Variants in MCPH1 observed in about 807,000 individuals in gnomAD.
The protein encoded by MCPH1 is microcephalin.
A neutral mutation model predicts 84.5 loss-of-function variants in MCPH1; 104 were observed. The ratio of observed to expected loss-of-function variants is 1.23; its 90% CI spans 1.05 to 1.45. The LOEUF is 1.45. Ranked by LOEUF, MCPH1 falls within the 40% of genes most tolerant of loss-of-function variation. The probability of loss-of-function intolerance (pLI) is 0.00; values close to 1 mark genes in which losing one functional copy is unlikely to be tolerated. For synonymous variants in MCPH1, 514 were observed against 366.8 expected (o/e 1.40, Z -4.58); for missense variants, 1,498 against 1,005.7 (o/e 1.49, Z -6.62).
At chr8:6,461,917 A>ATT (rs1359749676) in intron 9 of MCPH1, among the ~76,000 whole-genome samples, 1 of 151,922 alleles carries the variant, frequency 6.6e-6, no homozygotes, top group Non-Finnish European at 1.5e-5. Context: ...CTACTTCTGG[A>ATT]TTTGGTTTTT....
At chr8:6,481,970 T>A (rs1809302822) in intron 11 of MCPH1, among the ~76,000 whole-genome samples, 1 of 152,218 alleles carries the variant, frequency 6.6e-6, no homozygotes, top group Admixed American at 6.5e-5. Context: ...CTGACTAGCA[T>A]GAAGAAATCT....
intron 12 of MCPH1, chr8:6,532,524 A>C: frequency 1.3e-6 from 2 of 1,508,174 alleles, no homozygotes; most frequent in Non-Finnish European, 1.8e-6. Context: ...GTCATTAGTC[A>C]AATGACCGGA....
rs923085998 is a variant in MCPH1 at position 6,505,744 on chromosome 8, TTATA to T, written c.2214+5820_2214+5823del. ...TCTATATATATTCTATATATATTCT[TTATA>T]TATACGTATATATAGAATATATATA... On this transcript the variant is annotated intron_variant, in intron 12 of 13. Transcript: ENST00000344683. Among the ~76,000 whole-genome samples, 85 of 134,350 alleles carry T rather than the reference TTATA, an allele frequency of 6.3e-4. 1 individual carries two copies. Among genetic ancestry groups the T allele is most frequent in the Admixed American group, 2.0e-3 (25 of 12,704 alleles). The allele number at this position is 134,350 out of a possible 152,430, so 88.1% of individuals were successfully genotyped here.
chr8:6,624,009 C>T (rs889530950), intron 13 of MCPH1, among the ~76,000 whole-genome samples: 1 of 152,222 alleles, frequency 6.6e-6, no homozygotes, highest in African/African-American at 2.4e-5. Flanking sequence ...CCTGCCTCTG[C>T]ACTCGTGTTT....
At chr8:6,540,811 G>A (rs1033752894) in intron 12 of MCPH1, among the ~76,000 whole-genome samples, 18 of 152,282 alleles carry the variant, frequency 1.2e-4, no homozygotes, top group African/African-American at 4.3e-4. Context: ...TGCCGAACAG[G>A]CGCGGGAGGC....
At chr8:6,506,695 C>G (rs1563310185) in intron 12 of MCPH1, among the ~76,000 whole-genome samples, 1 of 151,084 alleles carries the variant, frequency 6.6e-6, no homozygotes, top group Non-Finnish European at 1.5e-5. Context: ...GAGGGCTTTG[C>G]TCATTGGTGT....
intron 8 of MCPH1, chr8:6,446,207 TAA>T (rs1563222290): frequency 6.6e-6 from 6 of 915,198 alleles, no homozygotes; most frequent in Non-Finnish European, 7.8e-6. Flanking sequence ...ATCATTTTAT[TAA>T]AAGTCAAAAC....
chr8:6,493,920 A>G (rs189074285), intron 11 of MCPH1, among the ~76,000 whole-genome samples: 1 of 149,122 alleles, frequency 6.7e-6, no homozygotes, highest in East Asian at 2.0e-4. Context: ...GCTCATGGTC[A>G]TAGTGCTTGG....
intron 11 of MCPH1, among the ~76,000 whole-genome samples, chr8:6,491,916 A>G (rs1340988274): frequency 1.3e-5 from 2 of 152,130 alleles, no homozygotes; most frequent in Admixed American, 6.5e-5. Context: ...TTGCTATTGT[A>G]AATAGTGCCA....
intron 9 of MCPH1, among the ~76,000 whole-genome samples, chr8:6,466,861 C>T (rs1807044426): frequency 6.6e-6 from 1 of 152,222 alleles, no homozygotes; most frequent in Admixed American, 6.5e-5. Context: ...CAGGGTTGAG[C>T]CAACGCGCCC....
intron 12 of MCPH1, chr8:6,508,660 T>A (rs1196155886): frequency 3.4e-6 from 2 of 588,462 alleles, no homozygotes; most frequent in East Asian, 5.6e-5. Context: ...CAGGAGAGCT[T>A]GCTAAGAATC....
At chr8:6,564,076 G>A (rs560584189) in intron 12 of MCPH1, among the ~76,000 whole-genome samples, 6 of 151,520 alleles carry the variant, frequency 4.0e-5, no homozygotes, top group Non-Finnish European at 8.8e-5. Flanking sequence ...CCGCCTTCCG[G>A]GTTCAAGTGA....
At chr8:6,525,528 C>G (rs1266993975) in intron 12 of MCPH1, among the ~76,000 whole-genome samples, 1 of 152,186 alleles carries the variant, frequency 6.6e-6, no homozygotes, top group Non-Finnish European at 1.5e-5. Flanking sequence ...CTGTGCCTGG[C>G]TTGAATCTAT....
chr8:6,592,344 G>C (rs955356203), intron 12 of MCPH1, among the ~76,000 whole-genome samples: 1 of 151,962 alleles, frequency 6.6e-6, no homozygotes, highest in East Asian at 1.9e-4. Context: ...ACAGGGTTTT[G>C]CCATGTTGCT....
chr8:6,612,325 C>G (rs768801294), intron 12 of MCPH1, among the ~76,000 whole-genome samples: 4 of 152,174 alleles, frequency 2.6e-5, no homozygotes, highest in Non-Finnish European at 2.9e-5. Context: ...GGCCAACCTC[C>G]TCTCCTCCAC....
At chr8:6,477,725 T>G in intron 10 of MCPH1, 94 bp downstream of exon 10, 1 of 921,510 alleles carries the variant, frequency 1.1e-6, no homozygotes, top group Admixed American at 1.8e-5. Context: ...CTTGTCAATC[T>G]GTCCTGTATC....
intron 9 of MCPH1, among the ~76,000 whole-genome samples, chr8:6,464,957 C>G (rs568717795): frequency 1.3e-5 from 2 of 151,758 alleles, no homozygotes; most frequent in East Asian, 1.9e-4. Context: ...CAAGATCATG[C>G]CACGGCATTC....
At position 6,564,588 on chromosome 8, in the gene MCPH1, A is replaced by C. The variant is rs912430289; in HGVS notation, c.2215-56866A>C. Among the ~76,000 whole-genome samples the C allele has an allele frequency of 1.8e-3, 227 of 127,906 alleles. 1 individual carries two copies. Among genetic ancestry groups the C allele is most frequent in the Non-Finnish European group, 3.0e-3 (168 of 55,936 alleles). The allele number at this position is 127,906 out of a possible 152,430, so 83.9% of individuals were successfully genotyped here. On this transcript the variant is annotated intron_variant, in intron 12 of 13. Coordinates refer to ENST00000344683, the MANE Select transcript of MCPH1 (RefSeq NM_024596.5). ...AAGCCCCCTGCCTTTGCTGCGGTTT[A>C]TCTCTCAAGGTACAAGGTTTATTAT... is the stretch of plus-strand genomic sequence containing the variant.
At chr8:6,409,220 A>G (rs965509173) in intron 1 of MCPH1, 59 bp from the exon 2 acceptor site, 27 of 1,379,136 alleles carry the variant, frequency 2.0e-5, no homozygotes, top group Admixed American at 3.4e-5. Flanking sequence ...AACAAAATCT[A>G]TTGGGCAGGG....
Sources: gnomAD v4.1 joint callset for allele counts (sites outside exome capture counted in the v4.1 genomes callset) on GRCh38, gnomAD v4.1.1 for gene constraint, MANE v1.5 for transcripts, NCBI Gene and HGNC (gene_info 2026-07-23, HGNC 2026-07-21) for gene names.